The following ZSCAN32 variants were observed in gnomAD, a reference collection of about 807,000 sequenced individuals.
ZSCAN32 encodes the protein zinc finger and SCAN domain-containing protein 32.
Under a neutral mutation model 47.4 loss-of-function variants are expected in ZSCAN32, and 52 were observed. That is an observed-to-expected ratio of 1.10 (90% CI 0.88 to 1.38). The LOEUF (loss-of-function observed/expected upper bound fraction) is 1.38. Ranked by LOEUF, ZSCAN32 falls within the 40% of genes most tolerant of loss-of-function variation. The probability of loss-of-function intolerance (pLI) is 0.00; values close to 1 mark genes in which losing one functional copy is unlikely to be tolerated. For missense variants in ZSCAN32, 959 were observed against 846.0 expected (o/e 1.13, Z -1.66); for synonymous variants, 346 against 305.7 (o/e 1.13, Z -1.38).
At chr16:3,387,651 C>T (rs2150879232) in intron 5 of ZSCAN32, among the ~76,000 whole-genome samples, 1 of 152,356 alleles carries the variant, frequency 6.6e-6, no homozygotes, top group East Asian at 1.9e-4. Context: ...CCACCATCAC[C>T]TCATGCCTGG....
In ZSCAN32 at chr16:3,390,625, C is replaced by T; in HGVS notation, c.533-108G>A. On this transcript the variant is annotated intron_variant, in intron 3 of 6. Coordinates refer to ENST00000396852, the MANE Select transcript of ZSCAN32 (RefSeq NM_001284527.2). ...CAGCCGCATCAGCAGCCCCTGGCAA[C>T]CCATCAGAAATACAAATTCTGGGGC... The T allele has an allele frequency of 3.5e-6, 3 of 852,424 alleles. 1 individual carries two copies. Among genetic ancestry groups the T allele is most frequent in the South Asian group, 3.3e-5 (2 of 61,078 alleles). 52.8% of individuals were successfully genotyped at this position (852,424 alleles called of 1,614,324 possible). A position where few individuals can be genotyped will look rare whatever the true frequency, so the allele number is the denominator to read the frequency against.
At chr16:3,391,676 T>A (rs1460680607) in intron 3 of ZSCAN32, among the ~76,000 whole-genome samples, 7 of 120,818 alleles carry the variant, frequency 5.8e-5, no homozygotes, top group Non-Finnish European at 1.2e-4. Flanking sequence ...TGAAACTCCA[T>A]CTCAAAAAAA....
In ZSCAN32 at chr16:3,385,543, A is replaced by G. The variant is rs1165982557; in HGVS notation, c.752-602T>C. 3.9e-5 allele frequency among the ~76,000 whole-genome samples: 6 copies of G among 152,308 alleles called. 1 individual carries two copies. The highest frequency in any genetic ancestry group is 2.0e-4 in the Admixed American group (3 of 15,294). On this transcript the variant is annotated intron_variant, in intron 5 of 6. Coordinates refer to ENST00000396852, the MANE Select transcript of ZSCAN32 (RefSeq NM_001284527.2). ...GCATCACGCTACCTGACTTCAAACT[A>G]TACTACAAGGCTACAGTAACCAAAA...
intron 5 of ZSCAN32, among the ~76,000 whole-genome samples, chr16:3,385,862 A>G (rs1485725672): frequency 6.6e-6 from 1 of 152,236 alleles, no homozygotes; most frequent in Non-Finnish European, 1.5e-5. Flanking sequence ...CCTAGGCATT[A>G]CCATTCAGGA....
chr16:3,399,259 G>T (rs1208220258), intron 1 of ZSCAN32, among the ~76,000 whole-genome samples: 2 of 152,158 alleles, frequency 1.3e-5, no homozygotes, highest in African/African-American at 4.8e-5. Flanking sequence ...TTCTGGTGGG[G>T]ATATTAATTA....
chr16:3,391,608 G>A (rs1251239988), intron 3 of ZSCAN32, among the ~76,000 whole-genome samples: 1 of 151,682 alleles, frequency 6.6e-6, no homozygotes, highest in Non-Finnish European at 1.5e-5. Context: ...GAACCCAGGA[G>A]GCAGAGGTTG....
chr16:3,382,947 C>T lies in ZSCAN32; in HGVS notation c.1999G>A (p.Glu667Lys). The change falls in exon 7 of 7, where the codon GAG becomes AAG. Residue 667 changes from glutamate (E) to lysine (K), a missense_variant. Transcript: ENST00000396852. The part of the protein sequence containing the change: ...GEKPYRCSHC[E>K]RGFTKNSALT... ...GCAGAGTTCTTAGTGAAGCCTCTCT[C>T]ACAGTGAGAACACCTGTAAGGCTTT... 1.9e-6 allele frequency: 3 copies of T among 1,613,980 alleles called. No homozygotes were observed. The highest frequency in any genetic ancestry group is 2.5e-6 in the Non-Finnish European group (3 of 1,179,914).
intron 6 of ZSCAN32, 196 bp from the exon 7 acceptor site, chr16:3,383,907 C>A: frequency 4.6e-6 from 3 of 646,048 alleles, no homozygotes; most frequent in Non-Finnish European, 7.4e-6. Context: ...GAAAATTATG[C>A]CCTAAACTCC....
At chr16:3,397,817 T>C in intron 1 of ZSCAN32, 73 bp from the exon 2 acceptor site, 1 of 385,424 alleles carries the variant, frequency 2.6e-6, no homozygotes, top group Non-Finnish European at 4.7e-6. Context: ...ATTTACTTCC[T>C]ATCCCTTTCC....
chr16:3,390,130 G>C lies in ZSCAN32; in HGVS notation c.631C>G (p.Pro211Ala), dbSNP rs749856037. 1.2e-6 allele frequency: 2 copies of C among 1,608,820 alleles called. No homozygotes were observed. Among genetic ancestry groups the C allele is most frequent in the Non-Finnish European group, 1.7e-6 (2 of 1,177,548 alleles). ...ACAGCTCTGTTGTCACGCATGGCTGGTCCCTGTAACAACACTGGAGCTGCT... is the reference window on the plus strand; with the variant it reads ...ACAGCTCTGTTGTCACGCATGGCTGCTCCCTGTAACAACACTGGAGCTGCT... ...AVVWTAGSQGPAMRDNRAVSL... is the reference protein window; with the variant it reads ...AVVWTAGSQGAAMRDNRAVSL... The change falls in exon 5 of 7, where the codon CCA (proline) becomes GCA (alanine). Residue 211 changes from proline (P) to alanine (A), a missense_variant. Coordinates refer to ENST00000396852, the MANE Select transcript of ZSCAN32 (RefSeq NM_001284527.2).
Position 3,390,117 on chromosome 16 carries a change from T to C in ZSCAN32, c.644A>G (p.Asp215Gly). ...TAGSQGPAMRDNRAVSLCQQE... is the reference protein window; with the variant it reads ...TAGSQGPAMRGNRAVSLCQQE... ...CTGACAGAGGGATACAGCTCTGTTG[T>C]CACGCATGGCTGGTCCCTGTAACAA... Residue 215 changes from aspartate to glycine, a missense_variant, in exon 5 of 7, where the codon GAC (aspartate) becomes GGC (glycine). Asp to Gly is a moderately conservative substitution (Grantham distance 94). Transcript: ENST00000396852. 6.2e-7 allele frequency: 1 copy of C among 1,612,304 alleles called. No individual in the cohort carries two copies. Among genetic ancestry groups the C allele is most frequent in the Non-Finnish European group, 8.5e-7 (1 of 1,179,132 alleles).
rs2033514198 is a variant in ZSCAN32, at chr16:3,397,740, G to T, written c.-183C>A. The T allele has an allele frequency of 1.5e-6, 1 of 668,996 alleles. No homozygotes were observed. The highest frequency in any genetic ancestry group is 2.4e-6 in the Non-Finnish European group (1 of 415,608). 41.4% of individuals were successfully genotyped at this position (668,996 alleles called of 1,614,324 possible). ...GGAAAAAAAGGGCTCAACTTTGAAGGATGTCTGAAGAGGATGGAAAAAGAC... is the reference window on the plus strand; with the variant it reads ...GGAAAAAAAGGGCTCAACTTTGAAGTATGTCTGAAGAGGATGGAAAAAGAC... On this transcript the variant is annotated 5_prime_UTR_variant, in exon 2 of 7. Transcript: ENST00000396852.
intron 5 of ZSCAN32, among the ~76,000 whole-genome samples, chr16:3,386,230 A>ACTACAAT (rs1407493450): frequency 1.3e-5 from 2 of 152,198 alleles, no homozygotes; most frequent in Non-Finnish European, 2.9e-5. Flanking sequence ...GCAAATCAAA[A>ACTACAAT]CTACAATGAG....
chr16:3,394,118 T>C (rs1348469390), intron 2 of ZSCAN32, among the ~76,000 whole-genome samples: 7 of 151,908 alleles, frequency 4.6e-5, no homozygotes, highest in African/African-American at 1.2e-4. Flanking sequence ...ATACAAACAT[T>C]AGCTGGGTGT....
rs753891576 is a variant in ZSCAN32, at chr16:3,382,905, T to C, written c.2041A>G (p.Thr681Ala). Residue 681 changes from threonine (T) to alanine (A), a missense_variant, in exon 7 of 7, where the codon ACA (threonine) becomes GCA (alanine). By Grantham distance (58) the Thr-to-Ala change is moderately conservative. Coordinates refer to ENST00000396852, the MANE Select transcript of ZSCAN32 (RefSeq NM_001284527.2). The stretch of plus-strand genomic sequence containing the variant: ...GAGAGTACTGCTTTCATGTGTACTG[T>C]CTGATGACGGGTGAGGGCAGAGTTC... ...TKNSALTRHQ[T>A]VHMKAVLSSQ... The C allele has an allele frequency of 1.2e-6, 2 of 1,608,052 alleles. No homozygotes were observed. Among genetic ancestry groups the C allele is most frequent in the African/African-American group, 2.7e-5 (2 of 74,800 alleles).
intron 3 of ZSCAN32, among the ~76,000 whole-genome samples, 184 bp from the exon 4 acceptor site, chr16:3,390,701 C>CT (rs1025501018): frequency 6.6e-6 from 1 of 152,190 alleles, no homozygotes; most frequent in Non-Finnish European, 1.5e-5. Context: ...GCCTAGGACT[C>CT]TGTTTTATCA....
rs969751938 is a variant in ZSCAN32 at position 3,382,140 on chromosome 16, TTATAG to T, written c.*707_*711del. 6.6e-6 allele frequency: 1 copy of T among 152,212 alleles called. No homozygotes were observed. The highest frequency in any genetic ancestry group is 2.4e-5 in the African/African-American group (1 of 41,438). The allele number at this position is 152,212 out of a possible 1,614,324, so 9.4% of individuals were successfully genotyped here. A position where few individuals can be genotyped will look rare whatever the true frequency, so the allele number is the denominator to read the frequency against. ...AAATTAGTAATGTTTATAAATTTGTTTATAGTAGTTTGTAAATTATTATCAGAAAT... is the reference window on the plus strand; with the variant it reads ...AAATTAGTAATGTTTATAAATTTGTTTAGTTTGTAAATTATTATCAGAAAT... On this transcript the variant is annotated 3_prime_UTR_variant, in exon 7 of 7. Coordinates refer to ENST00000396852, the MANE Select transcript of ZSCAN32 (RefSeq NM_001284527.2).
chr16:3,398,176 G>C (rs1196643705), intron 1 of ZSCAN32, among the ~76,000 whole-genome samples: 1 of 152,114 alleles, frequency 6.6e-6, no homozygotes, highest in Non-Finnish European at 1.5e-5. Context: ...TTATCCAGAG[G>C]TCACAAGATT....
At position 3,384,918 on chromosome 16, in the gene ZSCAN32, C is replaced by CA; in HGVS notation, c.774dup (p.Glu259Ter). 6.2e-7 allele frequency: 1 copy of CA among 1,613,624 alleles called. No individual in the cohort carries two copies. The highest frequency in any genetic ancestry group is 8.5e-7 in the Non-Finnish European group (1 of 1,179,968). ...ATAGCCAGGAGCGTCTTGGTCTCTT[C>CA]ATAGCCCCAGGGCACACCTGTTGCT... On this transcript the variant is annotated frameshift_variant, in exon 6 of 7. Coordinates refer to ENST00000396852, the MANE Select transcript of ZSCAN32 (RefSeq NM_001284527.2). LOFTEE classifies it high-confidence loss of function.
Sources: allele counts gnomAD v4.1 joint callset (sites outside exome capture counted in the v4.1 genomes callset), GRCh38; gene constraint gnomAD v4.1.1; transcripts MANE v1.5; gene names NCBI Gene and HGNC (gene_info 2026-07-23, HGNC 2026-07-21).